Variants in EYS observed in about 807,000 individuals in gnomAD.
EYS encodes EGF-like photoreceptor maintenance factor, also known as protein eyes shut homolog.
Under a neutral mutation model 282.1 loss-of-function variants are expected in EYS, and 250 were observed. The observed-to-expected ratio is 0.89, with a 90% confidence interval of 0.80 to 0.98. The LOEUF is 0.98. Ranked by LOEUF, EYS falls within the 50% of genes least tolerant of loss-of-function variation. The pLI, the probability that EYS is intolerant of heterozygous loss-of-function variation, is 0.00. For synonymous variants in EYS, 1,355 were observed against 1,282.9 expected (o/e 1.06, Z -1.20); for missense variants, 4,016 against 3,709.0 (o/e 1.08, Z -2.15).
At chr6:64,274,437 T>G (rs1438430799) in intron 30 of EYS, among the ~76,000 whole-genome samples, 2 of 144,158 alleles carry the variant, frequency 1.4e-5, no homozygotes, top group Admixed American at 1.4e-4. Flanking sequence ...CCTCTCAGCC[T>G]CCCACAGTGC....
intron 24 of EYS, among the ~76,000 whole-genome samples, chr6:64,598,912 G>A (rs548003757): frequency 4.1e-4 from 63 of 152,316 alleles, no homozygotes; most frequent in African/African-American, 1.5e-3. Context: ...TCTGAACAGG[G>A]ATATAAATTA....
At chr6:65,581,690 A>G (rs1764878410) in intron 2 of EYS, among the ~76,000 whole-genome samples, 1 of 152,078 alleles carries the variant, frequency 6.6e-6, no homozygotes, top group South Asian at 2.1e-4. Context: ...ACCTATATTC[A>G]CCTAACCAAA....
intron 36 of EYS, among the ~76,000 whole-genome samples, chr6:63,826,313 A>AT (rs2149688150): frequency 6.6e-6 from 1 of 152,344 alleles, no homozygotes; most frequent in South Asian, 2.1e-4. Flanking sequence ...TGGAAAACGT[A>AT]TTTGGGGGGA....
intron 10 of EYS, among the ~76,000 whole-genome samples, chr6:65,336,925 C>T (rs1409356600): frequency 1.3e-5 from 2 of 151,284 alleles, no homozygotes; most frequent in Non-Finnish European, 1.5e-5. Context: ...TACATATATT[C>T]CTAATTTCTA....
At chr6:65,326,065 C>T (rs902518669) in intron 11 of EYS, among the ~76,000 whole-genome samples, 18 of 152,022 alleles carry the variant, frequency 1.2e-4, no homozygotes, top group Non-Finnish European at 2.2e-4. Context: ...ACTACATTGG[C>T]TATATTTAAC....
intron 22 of EYS, among the ~76,000 whole-genome samples, chr6:64,720,442 T>C (rs1312382761): frequency 6.6e-6 from 1 of 152,182 alleles, no homozygotes; most frequent in African/African-American, 2.4e-5. Flanking sequence ...TTCTTGGTAT[T>C]AGGATTTAGA....
intron 28 of EYS, among the ~76,000 whole-genome samples, chr6:64,432,987 C>G (rs1774622128): frequency 6.6e-6 from 1 of 151,996 alleles, no homozygotes; most frequent in Admixed American, 6.6e-5. Context: ...TTTAAGCACT[C>G]CATATTTTCC....
At chr6:64,808,022 T>TCCCTCCCTCCTTCCA in intron 22 of EYS, among the ~76,000 whole-genome samples, 1 of 148,076 alleles carries the variant, frequency 6.8e-6, no homozygotes. Flanking sequence ...CCCTCCTTCC[T>TCCCTCCCTCCTTCCA]TCCTCCCTCC....
At chr6:64,145,435 T>C (rs942482260) in intron 31 of EYS, among the ~76,000 whole-genome samples, 1 of 152,186 alleles carries the variant, frequency 6.6e-6, no homozygotes, top group Non-Finnish European at 1.5e-5. Context: ...GTGATTACCA[T>C]GTTCATTATA....
intron 23 of EYS, among the ~76,000 whole-genome samples, chr6:64,625,392 A>G (rs1284624790): frequency 6.6e-6 from 1 of 152,182 alleles, no homozygotes; most frequent in Non-Finnish European, 1.5e-5. Flanking sequence ...ACAGAAATTT[A>G]TTTCTCACAG....
chr6:64,987,621 T>A (rs1770905405), intron 14 of EYS, among the ~76,000 whole-genome samples: 1 of 151,430 alleles, frequency 6.6e-6, no homozygotes, highest in Non-Finnish European at 1.5e-5. Flanking sequence ...AAGGGAATCT[T>A]GGGGGAGGCA....
At chr6:63,758,401 A>T (rs1173988181) in intron 41 of EYS, among the ~76,000 whole-genome samples, 1 of 152,166 alleles carries the variant, frequency 6.6e-6, no homozygotes, top group East Asian at 1.9e-4. Context: ...AATGATAAAA[A>T]TATCTATGTG....
At chr6:64,666,703 T>C (rs1404788880) in intron 22 of EYS, among the ~76,000 whole-genome samples, 1 of 152,150 alleles carries the variant, frequency 6.6e-6, no homozygotes, top group Non-Finnish European at 1.5e-5. Flanking sequence ...TTAAACTAGA[T>C]CTATATTTTC....
chr6:64,548,470 C>T (rs138934171), intron 26 of EYS, among the ~76,000 whole-genome samples: 2,102 of 152,246 alleles, frequency 0.014, 60 homozygotes, highest in East Asian at 0.11. Context: ...AAATGTGACA[C>T]ATATACACCA....
chr6:64,922,348 G>C (rs1017685446), intron 15 of EYS, among the ~76,000 whole-genome samples: 1 of 152,066 alleles, frequency 6.6e-6, no homozygotes, highest in Non-Finnish European at 1.5e-5. Flanking sequence ...TAAATTTAAA[G>C]ATAAGAAAAA....
chr6:64,517,293 G>T (rs1777588216), intron 26 of EYS, among the ~76,000 whole-genome samples: 1 of 151,788 alleles, frequency 6.6e-6, no homozygotes. Context: ...CACAGAGGCA[G>T]ACAGCTTGAG....
At chr6:64,897,652 T>C (rs1287768164) in intron 18 of EYS, among the ~76,000 whole-genome samples, 1 of 151,992 alleles carries the variant, frequency 6.6e-6, no homozygotes, top group Non-Finnish European at 1.5e-5. Flanking sequence ...AATAACAAAC[T>C]CCTCTGAGCG....
intron 12 of EYS, among the ~76,000 whole-genome samples, chr6:65,059,209 C>T (rs942905803): frequency 6.6e-6 from 1 of 151,316 alleles, no homozygotes; most frequent in Non-Finnish European, 1.5e-5. Context: ...ACCCTACTGT[C>T]AAAGCAAAAG....
At chr6:65,288,633 A>G (rs532044905) in intron 12 of EYS, among the ~76,000 whole-genome samples, 1 of 151,194 alleles carries the variant, frequency 6.6e-6, no homozygotes, top group African/African-American at 2.4e-5. Flanking sequence ...GTTACCATAC[A>G]TATGGCAAAA....
Sources: allele counts gnomAD v4.1 joint callset (sites outside exome capture counted in the v4.1 genomes callset), GRCh38; gene constraint gnomAD v4.1.1; transcripts MANE v1.5; gene names NCBI Gene and HGNC (gene_info 2026-07-23, HGNC 2026-07-21).